Variants in ADGRG6 observed in about 807,000 individuals in gnomAD.
The protein encoded by ADGRG6 is adhesion G protein-coupled receptor G6, also known as G-protein coupled receptor 126.
In ADGRG6, 84 loss-of-function variants were observed where a neutral mutation model predicts 142.4. The ratio of observed to expected loss-of-function variants is 0.59; its 90% CI spans 0.49 to 0.71. The LOEUF is 0.71. Ranked by LOEUF, ADGRG6 falls within the 30% of genes least tolerant of loss-of-function variation. The pLI, the probability that ADGRG6 is intolerant of heterozygous loss-of-function variation, is 0.00. For synonymous variants in ADGRG6, 521 were observed against 520.5 expected, an observed-to-expected ratio of 1.00 and a Z score of -0.01; for missense variants, 1,367 against 1,466.6, an observed-to-expected ratio of 0.93 and a Z score of 1.11.
chr6:142,379,217 T>C (rs1781637317), intron 4 of ADGRG6, among the ~76,000 whole-genome samples: 1 of 152,222 alleles, frequency 6.6e-6, no homozygotes, highest in Non-Finnish European at 1.5e-5. Context: ...AGTTGGAAAT[T>C]AGCAAAACGT....
intron 2 of ADGRG6, among the ~76,000 whole-genome samples, chr6:142,361,450 G>C (rs1182557889): frequency 6.6e-6 from 1 of 152,178 alleles, no homozygotes; most frequent in Non-Finnish European, 1.5e-5. Context: ...GGGTAGCAGA[G>C]GTGGTGCTTG....
Position 142,380,813 on chromosome 6 carries a change from C to T in ADGRG6, c.1070-1138C>T, listed in dbSNP as rs983992109. Among the ~76,000 whole-genome samples the T allele has an allele frequency of 5.3e-5, 8 of 152,224 alleles. No individual in the cohort carries two copies. The East Asian group carries it at 1.3e-3, about 26-fold the overall frequency. ...AGCACTTAGAACTGTGACGCCATCT[C>T]CCTTTCATGCCTCCCTGAGAGCAGC... On this transcript the variant is annotated intron_variant, in intron 4 of 24. Transcript: ENST00000367609.
At chr6:142,411,604 A>G (rs1479227788) in intron 18 of ADGRG6, among the ~76,000 whole-genome samples, 193 bp downstream of exon 18, 1 of 152,210 alleles carries the variant, frequency 6.6e-6, no homozygotes, top group Admixed American at 6.6e-5. Context: ...GAAAGTAATT[A>G]TAGAAAAGAA....
intron 22 of ADGRG6, among the ~76,000 whole-genome samples, chr6:142,429,288 G>A (rs1777098997): frequency 6.6e-6 from 1 of 152,168 alleles, no homozygotes; most frequent in African/African-American, 2.4e-5. Flanking sequence ...TGGAGGCTGA[G>A]GTTAGGAGCC....
At chr6:142,412,656 A>G (rs1180011764) in intron 18 of ADGRG6, among the ~76,000 whole-genome samples, 1 of 152,222 alleles carries the variant, frequency 6.6e-6, no homozygotes, top group Non-Finnish European at 1.5e-5. Context: ...AAGCATGAAA[A>G]TGAACAATTA....
intron 2 of ADGRG6, among the ~76,000 whole-genome samples, chr6:142,345,687 A>G (rs1779866238): frequency 2.0e-5 from 3 of 152,148 alleles, no homozygotes; most frequent in Admixed American, 1.3e-4. Context: ...AATTCAGTCA[A>G]CTAAAAATAT....
chr6:142,408,057 T>C, intron 15 of ADGRG6, 93 bp from the exon 16 acceptor site: 1 of 869,338 alleles, frequency 1.2e-6, no homozygotes. Flanking sequence ...ATCTTAAGTG[T>C]AAAAATTGCT....
Position 142,445,722 on chromosome 6 carries a change from C to T in ADGRG6, c.*2207C>T, listed in dbSNP as rs887422467. ...TTGTCAGTTCTAAGCATGCAGTTCT[C>T]ACCTCCATTTAGTCCCCCATCAGAA... On this transcript the variant is annotated 3_prime_UTR_variant, in exon 25 of 25. Coordinates refer to ENST00000367609, the MANE Select transcript of ADGRG6 (RefSeq NM_198569.3). 6.6e-6 allele frequency: 1 copy of T among 152,200 alleles called. No individual in the cohort carries two copies. The highest frequency in any genetic ancestry group is 1.5e-5 in the Non-Finnish European group (1 of 68,032). The allele number at this position is 152,200 out of a possible 1,614,324, so 9.4% of individuals were successfully genotyped here.
At chr6:142,440,488 G>A (rs1777701893) in intron 24 of ADGRG6, among the ~76,000 whole-genome samples, 1 of 151,896 alleles carries the variant, frequency 6.6e-6, no homozygotes, top group Non-Finnish European at 1.5e-5. Context: ...TAGAGATGAG[G>A]TCTCATCATC....
At chr6:142,409,735 G>T in intron 16 of ADGRG6, 139 bp from the exon 17 acceptor site, 1 of 490,582 alleles carries the variant, frequency 2.0e-6, no homozygotes, top group Non-Finnish European at 3.7e-6. Flanking sequence ...CCCCTAAATT[G>T]CCTACATTTT....
intron 5 of ADGRG6, among the ~76,000 whole-genome samples, chr6:142,383,050 TAAAA>T (rs766837288): frequency 2.0e-5 from 3 of 152,026 alleles, no homozygotes; most frequent in African/African-American, 2.4e-5. Flanking sequence ...TTATATGAAA[TAAAA>T]AAATCTGTAA....
intron 22 of ADGRG6, among the ~76,000 whole-genome samples, chr6:142,423,193 G>T (rs547164579): frequency 0.03 from 4,207 of 139,386 alleles, 195 homozygotes; most frequent in African/African-American, 0.11. Flanking sequence ...GTCAATTTTG[G>T]CTTTTGTTGC....
At chr6:142,413,422 C>T (rs1582652625) in intron 18 of ADGRG6, among the ~76,000 whole-genome samples, 1 of 152,260 alleles carries the variant, frequency 6.6e-6, no homozygotes, top group East Asian at 1.9e-4. Context: ...AGTACATTTT[C>T]ATATTGGCTA....
intron 22 of ADGRG6, among the ~76,000 whole-genome samples, chr6:142,427,558 G>A (rs1041284512): frequency 1.3e-5 from 2 of 152,092 alleles, no homozygotes; most frequent in Admixed American, 6.6e-5. Flanking sequence ...ACCTCTGTCT[G>A]TTACCCAGTT....
At chr6:142,390,953 A>G (rs961586636) in intron 7 of ADGRG6, among the ~76,000 whole-genome samples, 2 of 151,884 alleles carry the variant, frequency 1.3e-5, no homozygotes, top group African/African-American at 4.8e-5. Context: ...GATTTGCAAC[A>G]TTAGAGAACT....
intron 2 of ADGRG6, among the ~76,000 whole-genome samples, chr6:142,361,828 G>A (rs1780731711): frequency 6.6e-6 from 1 of 151,190 alleles, no homozygotes; most frequent in African/African-American, 2.4e-5. Flanking sequence ...TTTTAAAGCT[G>A]GAAAAGCCTC....
chr6:142,317,709 T>C (rs1442397163), intron 2 of ADGRG6, among the ~76,000 whole-genome samples: 3 of 110,280 alleles, frequency 2.7e-5, no homozygotes, highest in African/African-American at 1.3e-4. Context: ...TAAATATATA[T>C]ATATTTATAT....
In ADGRG6 at chr6:142,437,474, T is replaced by C; in HGVS notation, c.3360T>C (p.Asn1120=). The C allele has an allele frequency of 6.3e-7, 1 of 1,585,798 alleles. No homozygotes were observed. Among genetic ancestry groups the C allele is most frequent in the Non-Finnish European group, 8.7e-7 (1 of 1,154,364 alleles). Residue 1120 remains asparagine (N), a synonymous_variant, in exon 23 of 25, where the codon AAT becomes AAC. Coordinates refer to ENST00000367609, the MANE Select transcript of ADGRG6 (RefSeq NM_198569.3). The stretch of plus-strand genomic sequence containing the variant: ...TCTTCCACTGTGCTATGAAGGAGAA[T>C]GTTCAGAAACAGTGGCGGCAGCATC... ...IFIFHCAMKE[N]VQKQWRQHLC... is the part of the protein sequence containing the mutation.
At position 142,445,417 on chromosome 6, in the gene ADGRG6, C is replaced by G. The variant is rs886594230; in HGVS notation, c.*1902C>G. 10 of 152,088 alleles carry G rather than the reference C, an allele frequency of 6.6e-5. No homozygotes were observed. The highest frequency in any genetic ancestry group is 2.4e-4 in the African/African-American group (10 of 41,414). The allele number at this position is 152,088 out of a possible 1,614,324, so 9.4% of individuals were successfully genotyped here. ...ACTGAATATTCATATACATTTCCCC[C>G]AAAACCTTAGACATTCATAGTAGAT... is the stretch of plus-strand genomic sequence containing the variant. On this transcript the variant is annotated 3_prime_UTR_variant, in exon 25 of 25. Transcript: ENST00000367609.
Sources: gnomAD v4.1 joint callset for allele counts (sites outside exome capture counted in the v4.1 genomes callset) on GRCh38, gnomAD v4.1.1 for gene constraint, MANE v1.5 for transcripts, NCBI Gene and HGNC (gene_info 2026-07-23, HGNC 2026-07-21) for gene names.